SPOCK3: variants seen among roughly 807,000 people sequenced by gnomAD.
SPOCK3 encodes testican-3.
In SPOCK3, 30 loss-of-function variants were observed where a neutral mutation model predicts 56.6. The observed-to-expected ratio is 0.53, with a 90% confidence interval of 0.40 to 0.72. SPOCK3 has a LOEUF of 0.72. SPOCK3 is among the 30% of genes least tolerant of loss of function. SPOCK3 has a pLI of 0.00. For synonymous variants in SPOCK3, 196 were observed against 183.3 expected (o/e 1.07, Z -0.56); for missense variants, 527 against 530.0 (o/e 0.99, Z 0.06).
intron 4 of SPOCK3, among the ~76,000 whole-genome samples, chr4:166,930,155 T>A (rs1443252502): frequency 6.6e-6 from 1 of 151,846 alleles, no homozygotes; most frequent in Non-Finnish European, 1.5e-5. Context: ...TATAAAAAAA[T>A]GTTTTGCTAG....
intron 6 of SPOCK3, among the ~76,000 whole-genome samples, chr4:166,874,850 T>C (rs1250269792): frequency 6.6e-6 from 1 of 152,206 alleles, no homozygotes; most frequent in Non-Finnish European, 1.5e-5. Context: ...AGAATTTTAA[T>C]AGTAACTCTT....
At chr4:166,794,556 T>A (rs1476683079) in intron 6 of SPOCK3, among the ~76,000 whole-genome samples, 5 of 151,968 alleles carry the variant, frequency 3.3e-5, no homozygotes, top group African/African-American at 7.2e-5. Flanking sequence ...CAACAAAAAA[T>A]TTTTAAAATT....
intron 4 of SPOCK3, among the ~76,000 whole-genome samples, chr4:166,960,375 C>A (rs1025151145): frequency 6.6e-6 from 1 of 152,080 alleles, no homozygotes; most frequent in Non-Finnish European, 1.5e-5. Context: ...GGAGAAATAA[C>A]TTTAGGTGGG....
chr4:167,128,811 TTG>T (rs1240697774), intron 2 of SPOCK3, among the ~76,000 whole-genome samples: 1 of 152,196 alleles, frequency 6.6e-6, no homozygotes, highest in Non-Finnish European at 1.5e-5. Context: ...CCTGCTCAGT[TTG>T]TCTCTTCTGT....
intron 4 of SPOCK3, among the ~76,000 whole-genome samples, chr4:166,997,821 A>G (rs955364778): frequency 6.6e-6 from 1 of 152,216 alleles, no homozygotes; most frequent in African/African-American, 2.4e-5. Context: ...GCAGGAAGAA[A>G]CAGCGGGTTT....
chr4:167,045,239 G>T (rs1252244159), intron 3 of SPOCK3, among the ~76,000 whole-genome samples: 2 of 151,998 alleles, frequency 1.3e-5, no homozygotes, highest in Admixed American at 1.3e-4. Flanking sequence ...TGTGAGTATG[G>T]TATATCTTTC....
At chr4:167,117,830 C>T (rs1239290276) in intron 2 of SPOCK3, among the ~76,000 whole-genome samples, 2 of 152,108 alleles carry the variant, frequency 1.3e-5, no homozygotes, top group Non-Finnish European at 1.5e-5. Context: ...ATCTTTGAAA[C>T]AGAGGAGAAC....
intron 2 of SPOCK3, among the ~76,000 whole-genome samples, chr4:167,121,256 A>G (rs943846056): frequency 4.6e-5 from 7 of 151,974 alleles, no homozygotes; most frequent in African/African-American, 1.7e-4. Flanking sequence ...CAGGTTAAAG[A>G]AGTTTATTCT....
At chr4:166,986,825 A>G (rs1476723353) in intron 4 of SPOCK3, among the ~76,000 whole-genome samples, 1 of 152,048 alleles carries the variant, frequency 6.6e-6, no homozygotes, top group East Asian at 1.9e-4. Context: ...TTCTTCCACA[A>G]CACACACACA....
intron 7 of SPOCK3, among the ~76,000 whole-genome samples, chr4:166,767,483 A>T (rs934590924): frequency 7.9e-5 from 12 of 152,188 alleles, no homozygotes; most frequent in African/African-American, 2.6e-4. Context: ...TTCAGTTTCC[A>T]TGTAGTTGAG....
At chr4:166,775,107 G>T (rs1266619351) in intron 7 of SPOCK3, among the ~76,000 whole-genome samples, 1 of 152,130 alleles carries the variant, frequency 6.6e-6, no homozygotes, top group African/African-American at 2.4e-5. Flanking sequence ...CTATCTGGGG[G>T]AGTGAGGGAA....
chr4:166,855,260 G>T (rs1730530156), intron 6 of SPOCK3, among the ~76,000 whole-genome samples: 1 of 151,956 alleles, frequency 6.6e-6, no homozygotes, highest in Non-Finnish European at 1.5e-5. Flanking sequence ...ATTGAGAAAT[G>T]CAACATAAAT....
chr4:167,106,181 T>G (rs1255112255), intron 2 of SPOCK3, among the ~76,000 whole-genome samples: 1 of 151,926 alleles, frequency 6.6e-6, no homozygotes, highest in African/African-American at 2.4e-5. Context: ...ATACACATTA[T>G]TCTCTTCAAC....
At chr4:167,017,901 G>T (rs984460911) in intron 3 of SPOCK3, among the ~76,000 whole-genome samples, 20 of 151,936 alleles carry the variant, frequency 1.3e-4, no homozygotes, top group Admixed American at 1.2e-3. Flanking sequence ...ACCCAATATT[G>T]ATTAGATTGA....
At chr4:167,040,205 C>T (rs1753123896) in intron 3 of SPOCK3, among the ~76,000 whole-genome samples, 1 of 152,006 alleles carries the variant, frequency 6.6e-6, no homozygotes, top group South Asian at 2.1e-4. Flanking sequence ...ACAAACAACC[C>T]CACTGCAGTA....
chr4:166,990,526 T>G (rs1278970984), intron 4 of SPOCK3, among the ~76,000 whole-genome samples: 1 of 152,088 alleles, frequency 6.6e-6, no homozygotes, highest in African/African-American at 2.4e-5. Flanking sequence ...ATTTCCTAAT[T>G]ATTTATCTAC....
chr4:167,141,636 T>C (rs1282003217), intron 2 of SPOCK3, among the ~76,000 whole-genome samples: 1 of 151,980 alleles, frequency 6.6e-6, no homozygotes, highest in Non-Finnish European at 1.5e-5. Flanking sequence ...AGGTGGCAGA[T>C]ACATTTTATT....
chr4:167,205,274 T>C (rs1276540322), intron 2 of SPOCK3, among the ~76,000 whole-genome samples: 4 of 71,896 alleles, frequency 5.6e-5, no homozygotes, highest in Admixed American at 5.0e-4. Flanking sequence ...ATCTATAATA[T>C]ATATTATATA....
At chr4:166,872,090 T>C (rs1162782754) in intron 6 of SPOCK3, among the ~76,000 whole-genome samples, 3 of 150,510 alleles carry the variant, frequency 2.0e-5, no homozygotes, top group African/African-American at 7.3e-5. Flanking sequence ...ATATATATAA[T>C]CTTAAGTATT....
Sources: allele counts gnomAD v4.1 joint callset (sites outside exome capture counted in the v4.1 genomes callset), GRCh38; gene constraint gnomAD v4.1.1; transcripts MANE v1.5; gene names NCBI Gene and HGNC (gene_info 2026-07-23, HGNC 2026-07-21).